The following LRFN5 variants were observed in gnomAD, a reference collection of about 807,000 sequenced individuals.
LRFN5 encodes the protein leucine rich repeat and fibronectin type III domain containing 5, also known as leucine-rich repeat and fibronectin type-III domain-containing protein 5.
A neutral mutation model predicts 45.6 loss-of-function variants in LRFN5; 24 were observed. That is an observed-to-expected ratio of 0.53 (90% confidence interval 0.38 to 0.74). The LOEUF (loss-of-function observed/expected upper bound fraction) is 0.74. LRFN5 is among the 30% of genes least tolerant of loss of function. LRFN5 has a pLI of 0.00. For synonymous variants in LRFN5, 340 were observed against 313.8 expected (o/e 1.08, Z -0.88); for missense variants, 776 against 861.5 (o/e 0.90, Z 1.24).
At chr14:41,642,922 T>C (rs1594575444) in intron 1 of LRFN5, among the ~76,000 whole-genome samples, 1 of 152,164 alleles carries the variant, frequency 6.6e-6, no homozygotes. Context: ...TCCAAATAAT[T>C]TGTTATACTT....
At chr14:41,675,711 A>G (rs1268953126) in intron 1 of LRFN5, among the ~76,000 whole-genome samples, 1 of 152,166 alleles carries the variant, frequency 6.6e-6, no homozygotes, top group Non-Finnish European at 1.5e-5. Flanking sequence ...CCCTGCCCAC[A>G]TTTGACTAAA....
At chr14:41,855,198 G>T (rs1321448094) in intron 2 of LRFN5, among the ~76,000 whole-genome samples, 2 of 152,088 alleles carry the variant, frequency 1.3e-5, no homozygotes, top group African/African-American at 4.8e-5. Context: ...AGCTGAATTG[G>T]CTTAAACGTA....
At chr14:41,885,657 G>A (rs1225245119) in intron 2 of LRFN5, among the ~76,000 whole-genome samples, 1 of 151,980 alleles carries the variant, frequency 6.6e-6, no homozygotes, top group Non-Finnish European at 1.5e-5. Context: ...AGGGAACTCG[G>A]AGCTATTGTG....
In LRFN5 at chr14:41,758,100, ATC is replaced by A. The variant is rs1885492954; in HGVS notation, c.-196-8750_-196-8749del. On this transcript the variant is annotated intron_variant, in intron 1 of 5. Transcript: ENST00000298119. The stretch of plus-strand genomic sequence containing the variant: ...TTTGAAGGTGTCTTCTCTTTATCAT[ATC>A]TCTTTCTCAAGCTAAAATTTCCAAG... 6.6e-5 allele frequency among the ~76,000 whole-genome samples: 10 copies of A among 152,206 alleles called. No individual in the cohort carries two copies. In the South Asian group the frequency reaches 2.1e-3, roughly 32 times the overall value.
intron 2 of LRFN5, among the ~76,000 whole-genome samples, chr14:41,835,049 A>C (rs924128150): frequency 6.6e-6 from 1 of 152,090 alleles, no homozygotes; most frequent in African/African-American, 2.4e-5. Context: ...GAATCTTAGA[A>C]GCCCAAAGAA....
At chr14:41,854,342 C>T (rs1889378107) in intron 2 of LRFN5, among the ~76,000 whole-genome samples, 1 of 151,050 alleles carries the variant, frequency 6.6e-6, no homozygotes, top group Non-Finnish European at 1.5e-5. Context: ...GTATATGTGC[C>T]ACTTAATCCA....
At chr14:41,893,448 A>G (rs1368921372) in intron 4 of LRFN5, 1 of 985,122 alleles carries the variant, frequency 1.0e-6, no homozygotes, top group Non-Finnish European at 1.2e-6. Flanking sequence ...CTTTGCACAA[A>G]AGAAATGACA....
intron 1 of LRFN5, among the ~76,000 whole-genome samples, chr14:41,723,463 A>G (rs79247143): frequency 0.011 from 1,642 of 152,288 alleles, 31 homozygotes; most frequent in African/African-American, 0.037. Context: ...TTCTTGCACC[A>G]AGATTTCTGC....
chr14:41,901,414 C>G (rs1891095894), intron 5 of LRFN5, among the ~76,000 whole-genome samples: 1 of 140,450 alleles, frequency 7.1e-6, no homozygotes, highest in South Asian at 2.4e-4. Context: ...GTTTTCTGAC[C>G]AATAAAATAT....
intron 2 of LRFN5, among the ~76,000 whole-genome samples, chr14:41,885,730 A>C (rs574133770): frequency 3.3e-5 from 5 of 152,188 alleles, no homozygotes; most frequent in African/African-American, 1.2e-4. Flanking sequence ...TAAGATGTGA[A>C]GATTGGCCGG....
intron 1 of LRFN5, among the ~76,000 whole-genome samples, chr14:41,643,483 C>T (rs1302756970): frequency 6.6e-6 from 1 of 152,126 alleles, no homozygotes; most frequent in East Asian, 1.9e-4. Context: ...TCTCGGCACA[C>T]AAACCATGTG....
intron 2 of LRFN5, among the ~76,000 whole-genome samples, chr14:41,876,277 C>T (rs377549776): frequency 4.0e-5 from 4 of 100,610 alleles, no homozygotes; most frequent in Admixed American, 1.3e-4. Context: ...CTTTTTCTTT[C>T]TTTTTTTTTT....
intron 2 of LRFN5, among the ~76,000 whole-genome samples, chr14:41,805,313 C>G (rs1402407445): frequency 6.6e-6 from 1 of 150,628 alleles, no homozygotes; most frequent in African/African-American, 2.4e-5. Context: ...TATAGAAGAA[C>G]AAGTATATCA....
intron 3 of LRFN5, among the ~76,000 whole-genome samples, chr14:41,890,019 A>G (rs970837185): frequency 6.6e-6 from 1 of 151,918 alleles, no homozygotes; most frequent in African/African-American, 2.4e-5. Flanking sequence ...GCCCGCCACC[A>G]CTCCCAGCTA....
intron 2 of LRFN5, among the ~76,000 whole-genome samples, chr14:41,822,869 GCTGCA>G (rs1888166497): frequency 1.2e-5 from 1 of 81,152 alleles, no homozygotes; most frequent in Admixed American, 1.3e-4. Context: ...TTTTTTTTTT[GCTGCA>G]TTGATCTCTT....
At chr14:41,682,876 C>T (rs1881963427) in intron 1 of LRFN5, among the ~76,000 whole-genome samples, 1 of 152,068 alleles carries the variant, frequency 6.6e-6, no homozygotes, top group African/African-American at 2.4e-5. Flanking sequence ...TTTTCCCAGA[C>T]ATTTAAAGAA....
chr14:41,731,301 T>C (rs1044297068), intron 1 of LRFN5: 13 of 152,122 alleles, frequency 8.5e-5, no homozygotes, highest in Admixed American at 7.9e-4. Flanking sequence ...ATGCTCTCTC[T>C]CTCTCTCTTT....
At chr14:41,856,007 T>C (rs191757480) in intron 2 of LRFN5, among the ~76,000 whole-genome samples, 65 of 152,312 alleles carry the variant, frequency 4.3e-4, no homozygotes, top group Non-Finnish European at 5.3e-4. Context: ...TTTTCTCTTT[T>C]AGTACCCTAA....
At chr14:41,788,837 C>G (rs1463562178) in intron 2 of LRFN5, among the ~76,000 whole-genome samples, 3 of 152,018 alleles carry the variant, frequency 2.0e-5, no homozygotes, top group African/African-American at 7.2e-5. Context: ...ATTACTAATT[C>G]CTTAGGTACT....
Sources: gnomAD v4.1 joint callset for allele counts (sites outside exome capture counted in the v4.1 genomes callset) on GRCh38, gnomAD v4.1.1 for gene constraint, MANE v1.5 for transcripts, NCBI Gene and HGNC (gene_info 2026-07-23, HGNC 2026-07-21) for gene names.